Variants in TMEM242 observed in about 807,000 individuals in gnomAD.
TMEM242 encodes the protein transmembrane protein 242, also known as UPF0463 transmembrane protein C6orf35.
Under a neutral mutation model 18.2 loss-of-function variants are expected in TMEM242, and 10 were observed. That is an observed-to-expected ratio of 0.55 (90% CI 0.34 to 0.93). TMEM242 has a LOEUF of 0.93. Among genes scored for constraint, TMEM242 ranks in the 40% least tolerant of loss-of-function variants. The probability of loss-of-function intolerance (pLI) is 0.02; values close to 1 mark genes in which losing one functional copy is unlikely to be tolerated. For synonymous variants in TMEM242, 57 were observed against 69.9 expected, an observed-to-expected ratio of 0.81 and a Z score of 0.92; for missense variants, 186 against 175.5, an observed-to-expected ratio of 1.06 and a Z score of -0.34.
At chr6:157,293,355 A>AAAACAAACAAAC (rs111648623) in intron 3 of TMEM242, among the ~76,000 whole-genome samples, 4,032 of 148,354 alleles carry the variant, frequency 0.027, 77 homozygotes, top group Middle Eastern at 0.073. Flanking sequence ...TATCTCTTTA[A>AAAACAAACAAAC]AAACAAACAA....
intron 3 of TMEM242, among the ~76,000 whole-genome samples, chr6:157,313,102 G>T (rs1554249615): frequency 7.0e-6 from 1 of 142,594 alleles, no homozygotes; most frequent in Non-Finnish European, 1.5e-5. Context: ...TCATCAAAGT[G>T]TCCCAGTGTG....
At chr6:157,295,808 A>G (rs1461201469) in intron 3 of TMEM242, among the ~76,000 whole-genome samples, 2 of 152,200 alleles carry the variant, frequency 1.3e-5, no homozygotes, top group Non-Finnish European at 2.9e-5. Context: ...GGAGATGGGT[A>G]AAGGGTACCA....
At chr6:157,312,221 A>T (rs1778165368) in intron 3 of TMEM242, among the ~76,000 whole-genome samples, 1 of 148,736 alleles carries the variant, frequency 6.7e-6, no homozygotes, top group African/African-American at 2.5e-5. Context: ...GCGTCATCAT[A>T]GTGCCCCAGT....
chr6:157,313,074 G>C (rs1554249598), intron 3 of TMEM242, among the ~76,000 whole-genome samples: 12 of 72,000 alleles, frequency 1.7e-4, no homozygotes, highest in East Asian at 7.7e-4. Flanking sequence ...TAGGGTCCCA[G>C]TATGCACTCA....
At chr6:157,321,226 T>G (rs991135349) in intron 2 of TMEM242, among the ~76,000 whole-genome samples, 3 of 152,118 alleles carry the variant, frequency 2.0e-5, no homozygotes, top group African/African-American at 7.2e-5. Flanking sequence ...GCAAGGATGG[T>G]CTCAGTCTCC....
chr6:157,298,592 T>G (rs1434549838), intron 3 of TMEM242, among the ~76,000 whole-genome samples: 2 of 152,074 alleles, frequency 1.3e-5, no homozygotes, highest in African/African-American at 4.8e-5. Context: ...ATGAAGGCGG[T>G]TTCAAGATGG....
intron 3 of TMEM242, among the ~76,000 whole-genome samples, chr6:157,313,321 C>G (rs868977192): frequency 5.6e-5 from 6 of 107,074 alleles, no homozygotes; most frequent in African/African-American, 1.4e-4. Flanking sequence ...AGTGTGCGCT[C>G]ACCTGGCCTC....
intron 3 of TMEM242, among the ~76,000 whole-genome samples, chr6:157,294,551 C>A (rs1455190093): frequency 1.3e-5 from 2 of 151,562 alleles, no homozygotes; most frequent in South Asian, 4.2e-4. Flanking sequence ...GGGGTTTCAC[C>A]GTTTTAGCCG....
intron 2 of TMEM242, among the ~76,000 whole-genome samples, chr6:157,320,998 C>CTTTTTTTTTTTT (rs201521248): frequency 3.0e-5 from 4 of 135,592 alleles, no homozygotes; most frequent in Non-Finnish European, 6.3e-5. Flanking sequence ...TTTCCCATTT[C>CTTTTTTTTTTTT]TTTTTTTTTT....
intron 3 of TMEM242, among the ~76,000 whole-genome samples, chr6:157,311,248 GCGCT>G (rs1778067657): frequency 1.4e-5 from 2 of 141,044 alleles, no homozygotes; most frequent in Non-Finnish European, 1.6e-5. Flanking sequence ...GTCCCAGTGT[GCGCT>G]CACCTAGCCT....
At chr6:157,315,163 G>A (rs1209986746) in intron 3 of TMEM242, among the ~76,000 whole-genome samples, 2 of 152,214 alleles carry the variant, frequency 1.3e-5, no homozygotes, top group African/African-American at 2.4e-5. Flanking sequence ...ACTGGACTCA[G>A]GGTAACCTCA....
intron 3 of TMEM242, among the ~76,000 whole-genome samples, chr6:157,306,854 G>A (rs1777924057): frequency 6.6e-6 from 1 of 152,120 alleles, no homozygotes; most frequent in African/African-American, 2.4e-5. Context: ...ATAGATCTGA[G>A]TCACCAAGAA....
At chr6:157,302,231 A>G (rs1259779115) in intron 3 of TMEM242, among the ~76,000 whole-genome samples, 1 of 152,208 alleles carries the variant, frequency 6.6e-6, no homozygotes, top group Non-Finnish European at 1.5e-5. Flanking sequence ...ATGGTGGCCA[A>G]TGTTTTAGAG....
intron 3 of TMEM242, among the ~76,000 whole-genome samples, chr6:157,311,529 C>T (rs587719288): frequency 9.0e-4 from 9 of 9,982 alleles, no homozygotes; most frequent in African/African-American, 3.7e-3. Flanking sequence ...TGCACTCAAC[C>T]GGCCTCATCA....
rs1450416631 is a variant in TMEM242, at chr6:157,305,670, G to T, written c.328-12671C>A. Among the ~76,000 whole-genome samples, 3 of 152,184 alleles carry T rather than the reference G, an allele frequency of 2.0e-5. No homozygotes were observed. The highest frequency in any genetic ancestry group is 2.9e-5 in the Non-Finnish European group (2 of 68,028). ...GACACTGATGTTAAGAGGCTGGCCA[G>T]GGGAGGGGTTGGCACAAGAGACAGG... On this transcript the variant is annotated intron_variant, in intron 3 of 3. Transcript: ENST00000400788. The surrounding 1 kb of genome is among the most constrained non-coding windows in gnomAD (Gnocchi z 4.1).
At chr6:157,311,291 G>A (rs797043236) in intron 3 of TMEM242, among the ~76,000 whole-genome samples, 2 of 3,782 alleles carry the variant, frequency 5.3e-4, no homozygotes, top group African/African-American at 6.8e-4. Flanking sequence ...TGCACACACC[G>A]AGCCTCATTA....
At chr6:157,293,229 A>T (rs1777707133) in intron 3 of TMEM242, among the ~76,000 whole-genome samples, 2 of 151,864 alleles carry the variant, frequency 1.3e-5, no homozygotes, top group African/African-American at 4.8e-5. Context: ...ATAAAACTTC[A>T]CTCTTAGCTG....
chr6:157,312,247 C>G (rs587603941), intron 3 of TMEM242, among the ~76,000 whole-genome samples: 2 of 150,780 alleles, frequency 1.3e-5, no homozygotes, highest in African/African-American at 4.9e-5. Flanking sequence ...CTCATCTAGC[C>G]TTATCATAGT....
intron 3 of TMEM242, among the ~76,000 whole-genome samples, chr6:157,313,638 TCA>T (rs1422327093): frequency 2.6e-4 from 39 of 148,756 alleles, no homozygotes; most frequent in Non-Finnish European, 7.5e-5. Flanking sequence ...CCTAGCCACA[TCA>T]CAGTGTCCCA....
Sources: allele counts gnomAD v4.1 joint callset (sites outside exome capture counted in the v4.1 genomes callset), GRCh38; gene constraint gnomAD v4.1.1; non-coding constraint Gnocchi (gnomAD v3.1); transcripts MANE v1.5; gene names NCBI Gene and HGNC (gene_info 2026-07-23, HGNC 2026-07-21).